The following CYP20A1 variants were observed in gnomAD, a reference collection of about 807,000 sequenced individuals.
The protein encoded by CYP20A1 is cytochrome P450 family 20 subfamily A member 1.
A neutral mutation model predicts 61.4 loss-of-function variants in CYP20A1; 61 were observed. The observed-to-expected ratio is 0.99, with a 90% CI of 0.81 to 1.23. The LOEUF (loss-of-function observed/expected upper bound fraction) is 1.23, where lower values mean the gene tolerates loss of function less well. Ranked by LOEUF, CYP20A1 falls within the 50% of genes most tolerant of loss-of-function variation. The pLI is 0.00. For missense variants in CYP20A1, 530 were observed against 542.4 expected, an observed-to-expected ratio of 0.98 and a Z score of 0.23; for synonymous variants, 193 against 188.2, an observed-to-expected ratio of 1.03 and a Z score of -0.21.
intron 7 of CYP20A1, among the ~76,000 whole-genome samples, chr2:203,279,457 G>A (rs1038334611): frequency 6.6e-6 from 1 of 152,192 alleles, no homozygotes; most frequent in Admixed American, 6.5e-5. Flanking sequence ...AGGTGTGGCA[G>A]TGTGGCTTGT....
At chr2:203,245,954 C>G (rs2066445657) in intron 2 of CYP20A1, 59 bp downstream of exon 2, 2 of 1,156,712 alleles carry the variant, frequency 1.7e-6, no homozygotes, top group East Asian at 4.9e-5. Flanking sequence ...GATATCAAGA[C>G]TAAACCATAT....
At chr2:203,251,471 A>G (rs1480618607) in intron 3 of CYP20A1, among the ~76,000 whole-genome samples, 1 of 151,894 alleles carries the variant, frequency 6.6e-6, no homozygotes, top group Non-Finnish European at 1.5e-5. Flanking sequence ...TAAATTGTTC[A>G]TATTTTAAAA....
intron 4 of CYP20A1, among the ~76,000 whole-genome samples, chr2:203,257,567 A>G (rs2066939731): frequency 6.6e-6 from 1 of 151,966 alleles, no homozygotes; most frequent in Non-Finnish European, 1.5e-5. Context: ...ACGCAGGTGG[A>G]TCACAAGGTC....
At chr2:203,251,793 G>GTACATATATATATATATATATA (rs1553513991) in intron 3 of CYP20A1, among the ~76,000 whole-genome samples, 174 bp from the exon 4 acceptor site, 24 of 64,184 alleles carry the variant, frequency 3.7e-4, no homozygotes, top group African/African-American at 9.8e-4. Context: ...ATATATATGT[G>GTACATATATATATATATATATA]TATATATATA....
intron 8 of CYP20A1, among the ~76,000 whole-genome samples, chr2:203,283,422 T>C (rs2068127373): frequency 6.6e-6 from 1 of 151,780 alleles, no homozygotes; most frequent in Admixed American, 6.6e-5. Context: ...TTCACTGTGT[T>C]GGCCAGGCTG....
chr2:203,260,996 T>C (rs2067113825), intron 4 of CYP20A1, among the ~76,000 whole-genome samples: 1 of 152,130 alleles, frequency 6.6e-6, no homozygotes, highest in Non-Finnish European at 1.5e-5. Flanking sequence ...TCTTGATTAG[T>C]GTTTCCAGAG....
chr2:203,251,855 AGTTGC>A, intron 3 of CYP20A1, 107 bp from the exon 4 acceptor site: 1 of 494,628 alleles, frequency 2.0e-6, no homozygotes. Flanking sequence ...TATGAAAAAC[AGTTGC>A]CATGCTTTCA....
intron 1 of CYP20A1, among the ~76,000 whole-genome samples, chr2:203,244,490 C>T (rs899973626): frequency 2.0e-5 from 3 of 151,894 alleles, no homozygotes; most frequent in Non-Finnish European, 4.4e-5. Context: ...GGAGCCACTG[C>T]GCCCGGCCCA....
chr2:203,278,757 G>A (rs913519013), intron 7 of CYP20A1, 69 bp downstream of exon 7: 27 of 796,762 alleles, frequency 3.4e-5, no homozygotes, highest in Non-Finnish European at 5.1e-5. Context: ...GCTCATGACT[G>A]TAGTCCCAGC....
At position 203,304,537 on chromosome 2, in the gene CYP20A1, C is replaced by T. The variant is rs1184193738; in HGVS notation, c.*7629C>T. Among the ~76,000 whole-genome samples, 5 of 152,150 alleles carry T rather than the reference C, an allele frequency of 3.3e-5. No individual in the cohort carries two copies. The highest frequency in any genetic ancestry group is 3.3e-4 in the Admixed American group (5 of 15,256). On this transcript the variant is annotated 3_prime_UTR_variant, in exon 13 of 13. Coordinates refer to ENST00000356079, the MANE Select transcript of CYP20A1 (RefSeq NM_177538.3). ...TAAGAGGAAAAAGAATGCTACCAACCTAAACACATTTCTGTGACTGTTTAT... is the reference window on the plus strand; with the variant it reads ...TAAGAGGAAAAAGAATGCTACCAACTTAAACACATTTCTGTGACTGTTTAT...
rs2066716471 is a variant in CYP20A1 at position 203,252,173 on chromosome 2, T to A, written c.432+64T>A. ...TAAATAATAGTATTTATTTTTTGAG[T>A]ATTGGTGTGTACTATCTTTGTTACT... is the stretch of plus-strand genomic sequence containing the variant. On this transcript the variant is annotated intron_variant, in intron 4 of 12. Coordinates refer to ENST00000356079, the MANE Select transcript of CYP20A1 (RefSeq NM_177538.3). The A allele has an allele frequency of 2.3e-6, 3 of 1,282,398 alleles. No individual in the cohort carries two copies. The Admixed American group carries it at 6.6e-5, about 28-fold the overall frequency. 79.4% of individuals were successfully genotyped at this position (1,282,398 alleles called of 1,614,324 possible).
rs1316285519 is a variant in CYP20A1 at position 203,304,494 on chromosome 2, G to A, written c.*7586G>A. Among the ~76,000 whole-genome samples, 1 of 151,894 alleles carries A rather than the reference G, an allele frequency of 6.6e-6. No homozygotes were observed. Among genetic ancestry groups the A allele is most frequent in the Admixed American group, 6.6e-5 (1 of 15,254 alleles). ...TTACAGGTGTGAGCCACAGCGCCCGGCCAAAAAAAGGAATTTTTAAGAGGA... is the reference window on the plus strand; with the variant it reads ...TTACAGGTGTGAGCCACAGCGCCCGACCAAAAAAAGGAATTTTTAAGAGGA... On this transcript the variant is annotated 3_prime_UTR_variant, in exon 13 of 13. Transcript: ENST00000356079.
At chr2:203,257,444 CTGGTAGTTCT>C (rs2105925175) in intron 4 of CYP20A1, among the ~76,000 whole-genome samples, 1 of 151,786 alleles carries the variant, frequency 6.6e-6, no homozygotes, top group South Asian at 2.1e-4. Flanking sequence ...ATTTAAATAT[CTGGTAGTTCT>C]CTTAAGAGTA....
In CYP20A1 at chr2:203,265,189, G is replaced by T. The variant is rs188102560; in HGVS notation, c.433-1325G>T. On this transcript the variant is annotated intron_variant, in intron 4 of 12. Transcript: ENST00000356079. ...TAGGCCTGTGATTATTTATTGTAGA[G>T]GGCTATCCTGTGCATGGTAGGATAT... Among the ~76,000 whole-genome samples the T allele has an allele frequency of 2.0e-5, 3 of 152,184 alleles. No individual in the cohort carries two copies. In the East Asian group the frequency reaches 5.8e-4, roughly 29 times the overall value.
At chr2:203,257,492 TA>T (rs897768210) in intron 4 of CYP20A1, among the ~76,000 whole-genome samples, 1 of 151,990 alleles carries the variant, frequency 6.6e-6, no homozygotes, top group Non-Finnish European at 1.5e-5. Context: ...AAATATCCAT[TA>T]AAAAATTTTT....
intron 4 of CYP20A1, among the ~76,000 whole-genome samples, chr2:203,258,782 T>A (rs1268519611): frequency 1.3e-5 from 2 of 152,228 alleles, no homozygotes; most frequent in Non-Finnish European, 2.9e-5. Context: ...GCCTGCTTTT[T>A]GTTTGCCATA....
chr2:203,256,398 CT>C (rs1440741120), intron 4 of CYP20A1, among the ~76,000 whole-genome samples: 1 of 152,046 alleles, frequency 6.6e-6, no homozygotes, highest in Non-Finnish European at 1.5e-5. Context: ...CTCGCTCTGT[CT>C]GCCAGGCTGG....
chr2:203,247,521 G>A (rs955937896), intron 3 of CYP20A1, among the ~76,000 whole-genome samples: 2 of 152,130 alleles, frequency 1.3e-5, no homozygotes, highest in African/African-American at 4.8e-5. Flanking sequence ...ATCTGGAAGA[G>A]TAAAGAGTAA....
rs112297184 is a variant in CYP20A1, at chr2:203,301,732, C to G, written c.*4824C>G. Among the ~76,000 whole-genome samples, 68 of 152,166 alleles carry G rather than the reference C, an allele frequency of 4.5e-4. 1 individual carries two copies. The highest frequency in any genetic ancestry group is 3.4e-3 in the Middle Eastern group (1 of 292). ...GTTCCATTTTTTATATAAATAGATT[C>G]TACCTAACTTATAACCCCTATGTCA... is the stretch of plus-strand genomic sequence containing the variant. On this transcript the variant is annotated 3_prime_UTR_variant, in exon 13 of 13. Coordinates refer to ENST00000356079, the MANE Select transcript of CYP20A1 (RefSeq NM_177538.3).
Sources: allele counts gnomAD v4.1 joint callset (sites outside exome capture counted in the v4.1 genomes callset), GRCh38; gene constraint gnomAD v4.1.1; transcripts MANE v1.5; gene names NCBI Gene and HGNC (gene_info 2026-07-23, HGNC 2026-07-21).